Variants in ANXA4 observed in about 807,000 individuals in gnomAD.
The protein encoded by ANXA4 is annexin A4, also known as 35-beta calcimedin.
ANXA4 carries 39 observed loss-of-function variants against 49.8 expected under a neutral mutation model. The ratio of observed to expected loss-of-function variants is 0.78; its 90% CI spans 0.61 to 1.02. The LOEUF is 1.02. ANXA4 is among the 50% of genes least tolerant of loss of function. ANXA4 has a pLI of 0.00. For synonymous variants in ANXA4, 134 were observed against 152.5 expected (o/e 0.88, Z 0.89); for missense variants, 360 against 410.1 (o/e 0.88, Z 1.05).
rs1451596079 is a variant in ANXA4 at position 69,656,303 on chromosome 2, A to G, written n.766+3021A>G. Among the ~76,000 whole-genome samples, 28 of 110,952 alleles carry G rather than the reference A, an allele frequency of 2.5e-4. 2 individuals are homozygous for G. The highest frequency in any genetic ancestry group is 7.0e-4 in the African/African-American group (19 of 27,044). The allele number at this position is 110,952 out of a possible 152,430, so 72.8% of individuals were successfully genotyped here. Reference sequence around the variant, plus strand: ...TATATATATACATATATGTATATATATGTATATATGTATATATATGTATAT... The same window carrying G: ...TATATATATACATATATGTATATATGTGTATATATGTATATATATGTATAT... On this transcript the variant is annotated intron_variant and non_coding_transcript_variant, in intron 2 of 3. Coordinates refer to the ANXA4 transcript ENST00000418066.
intron 2 of ANXA4, among the ~76,000 whole-genome samples, chr2:69,712,385 C>T (rs1678704597): frequency 6.6e-6 from 1 of 152,218 alleles, no homozygotes; most frequent in African/African-American, 2.4e-5. Flanking sequence ...CCGGGTTATT[C>T]ACTCCGAGTC....
chr2:69,658,518 G>T lies in ANXA4; in HGVS notation n.766+5236G>T, dbSNP rs187073826. 5.5e-3 allele frequency among the ~76,000 whole-genome samples: 833 copies of T among 151,900 alleles called. 10 individuals carry two copies. The highest frequency in any genetic ancestry group is 0.019 in the African/African-American group (786 of 41,418). On this transcript the variant is annotated intron_variant and non_coding_transcript_variant, in intron 2 of 3. Transcript: ENST00000418066. The stretch of plus-strand genomic sequence containing the variant: ...AAAGATATCAAAACAGTTTCACGAA[G>T]ATTTAACAAATGACTGCTATTATTT...
At chr2:69,669,347 C>G (rs1256703915) in intron 2 of ANXA4, among the ~76,000 whole-genome samples, 2 of 151,772 alleles carry the variant, frequency 1.3e-5, no homozygotes, top group East Asian at 3.9e-4. Context: ...CAGTGGCTCA[C>G]GCCTGCAATC....
chr2:69,763,270 C>T (rs922226265), intron 1 of ANXA4, among the ~76,000 whole-genome samples: 4 of 152,112 alleles, frequency 2.6e-5, no homozygotes, highest in African/African-American at 7.2e-5. Flanking sequence ...CTTCGGGGCG[C>T]GGGAGGCCCC....
At chr2:69,644,165 T>TTCC (rs1553424953), upstream of ANXA4, among the ~76,000 whole-genome samples, 55 of 21,126 alleles carry the variant, frequency 2.6e-3, 5 homozygotes, top group African/African-American at 5.1e-3. Context: ...ACAACTAAGT[T>TTCC]CCCCCCCCCC....
intron 1 of ANXA4, among the ~76,000 whole-genome samples, chr2:69,780,634 C>T (rs997745550): frequency 2.6e-5 from 4 of 152,062 alleles, no homozygotes; most frequent in Admixed American, 2.6e-4. Flanking sequence ...CCCAGTGACT[C>T]GGGAGGCTGA....
At chr2:69,749,243 A>G (rs904755006) in intron 1 of ANXA4, among the ~76,000 whole-genome samples, 1 of 152,164 alleles carries the variant, frequency 6.6e-6, no homozygotes, top group Non-Finnish European at 1.5e-5. Flanking sequence ...AAACTCAGGG[A>G]AGGGACTAGG....
chr2:69,781,851 G>A (rs543670176), intron 2 of ANXA4, among the ~76,000 whole-genome samples: 24 of 152,154 alleles, frequency 1.6e-4, no homozygotes, highest in Middle Eastern at 3.4e-3. Flanking sequence ...CTGCAGAAGC[G>A]CTACATGTTT....
At chr2:69,776,070 G>A (rs72905014) in intron 1 of ANXA4, among the ~76,000 whole-genome samples, 3 of 151,914 alleles carry the variant, frequency 2.0e-5, no homozygotes, top group Non-Finnish European at 4.4e-5. Context: ...ACTTCTGGGG[G>A]TTCACATGAT....
chr2:69,675,900 G>T (rs1029525428), intron 2 of ANXA4, among the ~76,000 whole-genome samples: 2 of 151,704 alleles, frequency 1.3e-5, no homozygotes, highest in Non-Finnish European at 2.9e-5. Context: ...TCAGATTCTC[G>T]GGAGGTTGAG....
intron 1 of ANXA4, among the ~76,000 whole-genome samples, chr2:69,773,874 C>T (rs979618180): frequency 2.0e-5 from 3 of 151,778 alleles, no homozygotes; most frequent in Non-Finnish European, 4.4e-5. Flanking sequence ...TCGTGATTCG[C>T]CTGCCTCGGC....
chr2:69,765,159 A>G (rs1361184060), intron 1 of ANXA4, among the ~76,000 whole-genome samples: 4 of 152,120 alleles, frequency 2.6e-5, no homozygotes, highest in African/African-American at 9.7e-5. Context: ...ACTTTTGGCT[A>G]TTGTGAGTAA....
At position 69,825,630 on chromosome 2, in the gene ANXA4, A is replaced by G; in HGVS notation, c.*115A>G. Reference sequence around the variant, plus strand: ...ATGCTTATTTCCAATTAAAACGCCTACAGCTGCCTCCTAGAATATAGACTG... The same window carrying G: ...ATGCTTATTTCCAATTAAAACGCCTGCAGCTGCCTCCTAGAATATAGACTG... On this transcript the variant is annotated 3_prime_UTR_variant, in exon 13 of 13. Coordinates refer to ENST00000394295, the MANE Select transcript of ANXA4 (RefSeq NM_001153.5). 1.4e-6 allele frequency: 1 copy of G among 714,582 alleles called. No homozygotes were observed. The highest frequency in any genetic ancestry group is 2.3e-6 in the Non-Finnish European group (1 of 427,500). The allele number at this position is 714,582 out of a possible 1,614,324, so 44.3% of individuals were successfully genotyped here. A position where few individuals can be genotyped will look rare whatever the true frequency, so the allele number is the denominator to read the frequency against.
intron 2 of ANXA4, among the ~76,000 whole-genome samples, chr2:69,701,777 G>A (rs1186185942): frequency 6.6e-6 from 1 of 151,802 alleles, no homozygotes; most frequent in East Asian, 1.9e-4. Context: ...TTGCATGCAT[G>A]AGTAAGGCTG....
intron 1 of ANXA4, among the ~76,000 whole-genome samples, chr2:69,745,301 C>G (rs1017262032): frequency 6.6e-6 from 1 of 152,030 alleles, no homozygotes; most frequent in African/African-American, 2.4e-5. Flanking sequence ...TTGATGTTGG[C>G]GAGAGCTCTG....
chr2:69,816,023 T>G, intron 8 of ANXA4, 78 bp from the exon 9 acceptor site: 7 of 1,170,230 alleles, frequency 6.0e-6, no homozygotes, highest in African/African-American at 1.5e-5. Context: ...GCTCAGCTCT[T>G]TGAGCTTCTG....
chr2:69,755,030 A>G (rs1035508162), intron 1 of ANXA4, among the ~76,000 whole-genome samples: 2 of 152,260 alleles, frequency 1.3e-5, no homozygotes, highest in Non-Finnish European at 2.9e-5. Context: ...ATGAAATTCT[A>G]TTAGATGGTA....
chr2:69,710,210 C>T (rs1374881799), intron 2 of ANXA4, among the ~76,000 whole-genome samples: 2 of 152,078 alleles, frequency 1.3e-5, no homozygotes, highest in Non-Finnish European at 2.9e-5. Flanking sequence ...TGGTCTTGAA[C>T]TCCTGACCTT....
At chr2:69,760,891 T>A (rs745676309) in intron 1 of ANXA4, among the ~76,000 whole-genome samples, 1 of 151,984 alleles carries the variant, frequency 6.6e-6, no homozygotes, top group Non-Finnish European at 1.5e-5. Flanking sequence ...TGAGGCTGAG[T>A]GTGGTGGCTC....
Sources: allele counts gnomAD v4.1 joint callset (sites outside exome capture counted in the v4.1 genomes callset), GRCh38; gene constraint gnomAD v4.1.1; transcripts MANE v1.5; gene names NCBI Gene and HGNC (gene_info 2026-07-23, HGNC 2026-07-21).